Variants in HECTD2 observed in about 807,000 individuals in gnomAD.
The protein encoded by HECTD2 is probable E3 ubiquitin-protein ligase HECTD2.
A neutral mutation model predicts 103.2 loss-of-function variants in HECTD2; 35 were observed. That is an observed-to-expected ratio of 0.34 (90% CI 0.26 to 0.45). The LOEUF (loss-of-function observed/expected upper bound fraction) is 0.45, where lower values mean the gene tolerates loss of function less well. HECTD2 is among the 20% of genes least tolerant of loss of function. HECTD2 has a pLI of 1.00. For missense variants in HECTD2, 596 were observed against 937.4 expected (o/e 0.64, Z 4.76); for synonymous variants, 281 against 329.9 (o/e 0.85, Z 1.61).
chr10:91,485,187 A>C lies in HECTD2; in HGVS notation c.978A>C (p.Ala326=). 1 of 1,545,878 alleles carries C rather than the reference A, an allele frequency of 6.5e-7. No individual in the cohort carries two copies. Among genetic ancestry groups the C allele is most frequent in the Non-Finnish European group, 8.8e-7 (1 of 1,135,978 alleles). ...TAGAATTTATCTTTACAGATACTGC[A>C]AACAATTTAGTTCACCCTCCCCTTA... The part of the protein sequence containing the change: ...AAKVLALLNT[A]NNLVHPPLIP... Residue 326 remains alanine (A), a synonymous_variant, in exon 10 of 21, where the codon GCA becomes GCC. Transcript: ENST00000298068.
chr10:91,498,809 C>T (rs1378247569), intron 16 of HECTD2, 63 bp from the exon 17 acceptor site: 2 of 985,344 alleles, frequency 2.0e-6, no homozygotes, highest in African/African-American at 3.3e-5. Flanking sequence ...TTTTACAAAC[C>T]TGTTCACCAA....
chr10:91,410,533 A>G lies in HECTD2; in HGVS notation c.95A>G (p.Glu32Gly). Reference sequence around the variant, plus strand: ...AGGAAAGGGAAGGAGTCAGAGCGCGAGAAGCTGCCGCCCATCGTATCGGCG... The same window carrying G: ...AGGAAAGGGAAGGAGTCAGAGCGCGGGAAGCTGCCGCCCATCGTATCGGCG... ...EERKGKESER[E>G]KLPPIVSAGA... The change falls in exon 1 of 21, where the codon GAG becomes GGG. Residue 32 changes from glutamate (E) to glycine (G), a missense_variant. By Grantham distance (98) the Glu-to-Gly change is moderately conservative. This residue lies in a region of HECTD2 where 220 missense variants were observed against 233.9 expected (regional missense o/e 0.94). Coordinates refer to ENST00000298068, the MANE Select transcript of HECTD2 (RefSeq NM_182765.6). 1 of 1,468,838 alleles carries G rather than the reference A, an allele frequency of 6.8e-7. No individual in the cohort carries two copies. The highest frequency in any genetic ancestry group is 9.0e-7 in the Non-Finnish European group (1 of 1,112,450). 91.0% of individuals were successfully genotyped at this position (1,468,838 alleles called of 1,614,324 possible). A position where few individuals can be genotyped will look rare whatever the true frequency, so the allele number is the denominator to read the frequency against.
rs772694740 is a variant in HECTD2, at chr10:91,501,200, G to C, written c.2076G>C (p.Trp692Cys). The change falls in exon 20 of 21, where the codon TGG (tryptophan) becomes TGC (cysteine). Residue 692 changes from tryptophan (W) to cysteine (C), a missense_variant. Physicochemically the swap from Trp to Cys is radical, Grantham distance 215. Around this residue, in one of 4 missense-constraint regions of HECTD2, gnomAD observed 69 missense variants for 153.8 expected, o/e 0.45. Transcript: ENST00000298068. ...AKTDLTIKYF[W>C]DVVLGFPLDL... ...CTTTGGTATTCTCTAGATACTTTTG[G>C]GATGTTGTGCTTGGATTTCCTCTTG... 6.2e-7 allele frequency: 1 copy of C among 1,608,584 alleles called. No homozygotes were observed. The highest frequency in any genetic ancestry group is 8.5e-7 in the Non-Finnish European group (1 of 1,177,428).
chr10:91,501,878 A>G (rs1009914834), intron 20 of HECTD2, among the ~76,000 whole-genome samples: 1 of 151,770 alleles, frequency 6.6e-6, no homozygotes, highest in Non-Finnish European at 1.5e-5. Context: ...TTATCAACTT[A>G]CTCCTTTTCC....
At chr10:91,461,202 T>C in intron 3 of HECTD2, 52 bp from the exon 4 acceptor site, 1 of 801,730 alleles carries the variant, frequency 1.2e-6, no homozygotes, top group Non-Finnish European at 2.0e-6. Context: ...AATACTAGTT[T>C]ATCTGAATAA....
intron 5 of HECTD2, among the ~76,000 whole-genome samples, chr10:91,477,914 A>G (rs918335032): frequency 1.3e-5 from 2 of 152,198 alleles, no homozygotes; most frequent in African/African-American, 4.8e-5. Flanking sequence ...GGGTCAAGGA[A>G]AGTGAAATTG....
At chr10:91,512,195 T>A (rs1217883521) in intron 20 of HECTD2, 69 bp from the exon 21 acceptor site, 3 of 1,517,040 alleles carry the variant, frequency 2.0e-6, no homozygotes, top group Middle Eastern at 1.7e-4. Flanking sequence ...TGGTATTTTT[T>A]AAAGTTGCAT....
chr10:91,485,191 A>T lies in HECTD2; in HGVS notation c.982A>T (p.Asn328Tyr), dbSNP rs750047460. The T allele has an allele frequency of 2.6e-6, 4 of 1,550,432 alleles. No homozygotes were observed. Among genetic ancestry groups the T allele is most frequent in the Non-Finnish European group, 3.5e-6 (4 of 1,138,644 alleles). ...KVLALLNTAN[N>Y]LVHPPLIPYT... ...ATTTATCTTTACAGATACTGCAAAC[A>T]ATTTAGTTCACCCTCCCCTTATTCC... Residue 328 changes from asparagine (N) to tyrosine (Y), a missense_variant, in exon 10 of 21, where the codon AAT (asparagine) becomes TAT (tyrosine). Transcript: ENST00000298068.
intron 2 of HECTD2, among the ~76,000 whole-genome samples, chr10:91,459,900 A>G (rs941395839): frequency 2.0e-5 from 3 of 152,118 alleles, no homozygotes; most frequent in African/African-American, 7.2e-5. Flanking sequence ...GCAATAGGCT[A>G]TATGATATAG....
chr10:91,463,140 C>A (rs1378606818), intron 5 of HECTD2: 2 of 151,902 alleles, frequency 1.3e-5, no homozygotes, highest in African/African-American at 4.8e-5. Context: ...TCCCCAGAAG[C>A]TTAACTACTA....
rs1262812197 is a variant in HECTD2 at position 91,487,820 on chromosome 10, G to C, written c.1191+42G>C. 4 of 1,027,908 alleles carry C rather than the reference G, an allele frequency of 3.9e-6. No individual in the cohort carries two copies. The highest frequency in any genetic ancestry group is 4.5e-5 in the Admixed American group (2 of 44,346). 63.7% of individuals were successfully genotyped at this position (1,027,908 alleles called of 1,614,324 possible). A position where few individuals can be genotyped will look rare whatever the true frequency, so the allele number is the denominator to read the frequency against. On this transcript the variant is annotated intron_variant, in intron 11 of 20. Coordinates refer to ENST00000298068, the MANE Select transcript of HECTD2 (RefSeq NM_182765.6). This position sits in a 1 kb window ranked among gnomAD's most constrained non-coding sequence, Gnocchi z 4.1. Reference sequence around the variant, plus strand: ...AACATATTTATGCTGACTATAATCAGTATAGTAAATAATTTAATAAATAAT... The same window carrying C: ...AACATATTTATGCTGACTATAATCACTATAGTAAATAATTTAATAAATAAT...
intron 5 of HECTD2, among the ~76,000 whole-genome samples, chr10:91,471,137 C>G (rs1350789469): frequency 2.0e-5 from 3 of 152,156 alleles, no homozygotes; most frequent in Admixed American, 6.5e-5. Flanking sequence ...ATCAAGTAAC[C>G]ATTATCCCTA....
At chr10:91,496,614 C>T (rs1166495470) in intron 15 of HECTD2, among the ~76,000 whole-genome samples, 1 of 152,138 alleles carries the variant, frequency 6.6e-6, no homozygotes, top group African/African-American at 2.4e-5. Context: ...CTGTCACTTA[C>T]TAGCTCTGTG....
Position 91,498,167 on chromosome 10 carries a change from C to A in HECTD2, c.1740C>A (p.Phe580Leu). ...ATGAAGGCAATGTTGAAGAAGATTT[C>A]TATTCAACATTTCAGGTACTATTAA... Reference protein sequence around the residue: ...LSHEGNVEEDFYSTFQVFQEE... With the variant: ...LSHEGNVEEDLYSTFQVFQEE... The change falls in exon 16 of 21, where the codon TTC becomes TTA. Residue 580 changes from phenylalanine to leucine, a missense_variant. Physicochemically the swap from Phe to Leu is conservative, Grantham distance 22 (BLOSUM62 0). Coordinates refer to ENST00000298068, the MANE Select transcript of HECTD2 (RefSeq NM_182765.6). 1 of 1,607,556 alleles carries A rather than the reference C, an allele frequency of 6.2e-7. No individual in the cohort carries two copies. Among genetic ancestry groups the A allele is most frequent in the South Asian group, 1.1e-5 (1 of 90,892 alleles).
chr10:91,442,060 TG>T (rs1278692015), intron 2 of HECTD2, among the ~76,000 whole-genome samples: 159 of 70,730 alleles, frequency 2.2e-3, no homozygotes, highest in African/African-American at 0.011. Context: ...GTCTTTCAAC[TG>T]GGGCATTTAG....
intron 2 of HECTD2, among the ~76,000 whole-genome samples, chr10:91,451,888 G>T (rs757968216): frequency 6.6e-6 from 1 of 152,160 alleles, no homozygotes; most frequent in African/African-American, 2.4e-5. Context: ...TTACATTACA[G>T]TAGAATTAAA....
chr10:91,456,823 C>T (rs572713104), intron 2 of HECTD2, among the ~76,000 whole-genome samples: 1 of 151,778 alleles, frequency 6.6e-6, no homozygotes, highest in Non-Finnish European at 1.5e-5. Flanking sequence ...GAAAATCAAC[C>T]GAAAGCAAGC....
chr10:91,511,055 G>C (rs949210792), intron 20 of HECTD2, among the ~76,000 whole-genome samples: 1 of 152,226 alleles, frequency 6.6e-6, no homozygotes, highest in African/African-American at 2.4e-5. Flanking sequence ...CAAACACTGA[G>C]TAAATGCTGA....
upstream of HECTD2, chr10:91,410,338 C>CGGCTAGA: frequency 1.5e-6 from 1 of 647,438 alleles, no homozygotes; most frequent in African/African-American, 1.9e-5. Context: ...CTAGAAGCGG[C>CGGCTAGA]AGCCCAGAGC....
Sources: gnomAD v4.1 joint callset for allele counts (sites outside exome capture counted in the v4.1 genomes callset) on GRCh38, gnomAD v4.1.1 for gene constraint, gnomAD v4.1.1 regional missense constraint, Gnocchi (gnomAD v3.1) non-coding constraint, MANE v1.5 for transcripts, NCBI Gene and HGNC (gene_info 2026-07-23, HGNC 2026-07-21) for gene names.